PREX1: variants seen among roughly 807,000 people sequenced by gnomAD.
PREX1 encodes phosphatidylinositol-3,4,5-trisphosphate dependent Rac exchange factor 1.
A neutral mutation model predicts 198.3 loss-of-function variants in PREX1; 41 were observed. The observed-to-expected ratio is 0.21, with a 90% CI of 0.16 to 0.27. The LOEUF (loss-of-function observed/expected upper bound fraction) is 0.27. PREX1 is among the 10% of genes least tolerant of loss of function. PREX1 has a pLI of 1.00. For synonymous variants in PREX1, 843 were observed against 887.2 expected, an observed-to-expected ratio of 0.95 and a Z score of 0.89; for missense variants, 1,620 against 2,200.7, an observed-to-expected ratio of 0.74 and a Z score of 5.28.
chr20:48,823,516 G>C (rs911490321), intron 1 of PREX1, among the ~76,000 whole-genome samples: 4 of 152,210 alleles, frequency 2.6e-5, no homozygotes, highest in Admixed American at 6.5e-5. Context: ...TACAGTCCAA[G>C]TGGAAGAAGC....
At chr20:48,844,697 T>C in the PREX1 span, among the ~76,000 whole-genome samples, 1 of 152,262 alleles carries the variant, frequency 6.6e-6, no homozygotes, top group East Asian at 1.9e-4. Context: ...CGTGCCATCA[T>C]GGTAGATGGA....
chr20:48,658,286 C>A, intron 16 of PREX1, 58 bp from the exon 17 acceptor site: 1 of 1,545,116 alleles, frequency 6.5e-7, no homozygotes, highest in Non-Finnish European at 8.9e-7. Context: ...TACGGCCAGC[C>A]CCACCGTGGC....
At chr20:48,651,900 G>A (rs1161352901) in intron 21 of PREX1, among the ~76,000 whole-genome samples, 2 of 152,216 alleles carry the variant, frequency 1.3e-5, no homozygotes, top group African/African-American at 2.4e-5. Flanking sequence ...GCCATGAGCA[G>A]GCTACTGCCA....
intron 16 of PREX1, among the ~76,000 whole-genome samples, chr20:48,659,507 CAT>C (rs1255946155): frequency 6.6e-6 from 1 of 152,082 alleles, no homozygotes; most frequent in Non-Finnish European, 1.5e-5. Flanking sequence ...GAGCCGTCTT[CAT>C]ATGAGTCAGG....
At chr20:48,655,769 C>T (rs1417962611) in intron 18 of PREX1, among the ~76,000 whole-genome samples, 1 of 152,142 alleles carries the variant, frequency 6.6e-6, no homozygotes, top group Non-Finnish European at 1.5e-5. Context: ...CATCTCGGTG[C>T]TGACCCTAGA....
intron 14 of PREX1, among the ~76,000 whole-genome samples, chr20:48,670,921 C>T (rs2089671126): frequency 6.6e-6 from 1 of 152,182 alleles, no homozygotes; most frequent in African/African-American, 2.4e-5. Flanking sequence ...ATGGGAACAA[C>T]TGCATTTGTC....
intron 33 of PREX1, among the ~76,000 whole-genome samples, chr20:48,633,881 AG>A (rs2089335600): frequency 6.6e-6 from 1 of 152,226 alleles, no homozygotes; most frequent in South Asian, 2.1e-4. Flanking sequence ...CCAGGAGGGT[AG>A]GAATGAGGAC....
At chr20:48,652,813 C>T in intron 20 of PREX1, 107 bp from the exon 21 acceptor site, 1 of 1,308,378 alleles carries the variant, frequency 7.6e-7, no homozygotes, top group Non-Finnish European at 1.0e-6. Flanking sequence ...TGGAAACTCA[C>T]TGACCACCAG....
intron 10 of PREX1, among the ~76,000 whole-genome samples, chr20:48,687,397 C>A (rs1401129677): frequency 6.6e-6 from 1 of 152,222 alleles, no homozygotes; most frequent in Admixed American, 6.5e-5. Context: ...GTCCTGAACT[C>A]CCTTTACTTT....
intron 1 of PREX1, among the ~76,000 whole-genome samples, chr20:48,817,962 G>A (rs2090465950): frequency 6.6e-6 from 1 of 152,094 alleles, no homozygotes; most frequent in Non-Finnish European, 1.5e-5. Flanking sequence ...CAGTGTGTTA[G>A]CTAGTGGGAA....
At chr20:48,867,156 ATC>A in the PREX1 span, among the ~76,000 whole-genome samples, 1 of 152,238 alleles carries the variant, frequency 6.6e-6, no homozygotes, top group Admixed American at 6.5e-5. Context: ...AGCCCACTTA[ATC>A]TCTCTTTGGA....
chr20:48,699,650 A>G (rs548638986), intron 7 of PREX1, among the ~76,000 whole-genome samples: 1 of 152,096 alleles, frequency 6.6e-6, no homozygotes, highest in East Asian at 1.9e-4. Context: ...ATGCCAACCA[A>G]TTGGCCATCC....
the PREX1 span, among the ~76,000 whole-genome samples, chr20:48,877,498 T>C: frequency 6.6e-6 from 1 of 152,080 alleles, no homozygotes; most frequent in East Asian, 1.9e-4. Flanking sequence ...CAACACCAGT[T>C]GGGTTTCTTT....
intron 1 of PREX1, among the ~76,000 whole-genome samples, chr20:48,786,821 GAGAGAGAGAGAAAGAAAGAA>G (rs1450697676): frequency 2.1e-5 from 1 of 48,774 alleles, no homozygotes; most frequent in Non-Finnish European, 3.9e-5. Flanking sequence ...GAAAGAAAAA[GAGAGAGAGAGAAAGAAAGAA>G]AAAGAGAGAG....
intron 1 of PREX1, among the ~76,000 whole-genome samples, chr20:48,810,848 C>T (rs1320529442): frequency 1.3e-5 from 2 of 151,958 alleles, no homozygotes; most frequent in Non-Finnish European, 2.9e-5. Context: ...GATCGCACCA[C>T]TGCACTCCAG....
intron 14 of PREX1, among the ~76,000 whole-genome samples, chr20:48,667,381 A>C (rs961427886): frequency 2.0e-5 from 3 of 152,252 alleles, no homozygotes; most frequent in Non-Finnish European, 2.9e-5. Flanking sequence ...CGACTGGGGA[A>C]GCCTACCAGG....
At chr20:48,747,025 G>A (rs1375177666) in intron 2 of PREX1, among the ~76,000 whole-genome samples, 5 of 145,300 alleles carry the variant, frequency 3.4e-5, no homozygotes, top group Non-Finnish European at 7.4e-5. Context: ...ACCCCCAGGA[G>A]GAGCCATGCA....
At chr20:48,824,279 G>C (rs1442665369) in intron 1 of PREX1, among the ~76,000 whole-genome samples, 1 of 152,156 alleles carries the variant, frequency 6.6e-6, no homozygotes, top group African/African-American at 2.4e-5. Context: ...GTGCAACCCA[G>C]TTCCTGAAGG....
chr20:48,803,339 C>A (rs1006285492), intron 1 of PREX1, among the ~76,000 whole-genome samples: 1 of 152,114 alleles, frequency 6.6e-6, no homozygotes. Context: ...AAGCTCAGAG[C>A]CAGCATATGC....
Sources: gnomAD v4.1 joint callset for allele counts (sites outside exome capture counted in the v4.1 genomes callset) on GRCh38, gnomAD v4.1.1 for gene constraint, MANE v1.5 for transcripts, NCBI Gene and HGNC (gene_info 2026-07-23, HGNC 2026-07-21) for gene names.